Variants in GRIA1 observed in about 807,000 individuals in gnomAD.
The protein encoded by GRIA1 is glutamate receptor 1.
Under a neutral mutation model 99.2 loss-of-function variants are expected in GRIA1, and 31 were observed. That is an observed-to-expected ratio of 0.31 (90% CI 0.23 to 0.42). The LOEUF is 0.42. Ranked by LOEUF, GRIA1 falls within the 10% of genes least tolerant of loss-of-function variation. The probability of loss-of-function intolerance (pLI) is 1.00; values close to 1 mark genes in which losing one functional copy is unlikely to be tolerated. For synonymous variants in GRIA1, 438 were observed against 432.4 expected, an observed-to-expected ratio of 1.01 and a Z score of -0.16; for missense variants, 782 against 1,157.5, an observed-to-expected ratio of 0.68 and a Z score of 4.71.
intron 13 of GRIA1, among the ~76,000 whole-genome samples, chr5:153,773,118 C>A (rs925076393): frequency 6.6e-6 from 1 of 152,180 alleles, no homozygotes; most frequent in African/African-American, 2.4e-5. Context: ...GAGTCAGTGC[C>A]TATTAAGTGC....
chr5:153,791,647 T>C (rs925989885), intron 13 of GRIA1, among the ~76,000 whole-genome samples: 5 of 152,102 alleles, frequency 3.3e-5, no homozygotes, highest in Non-Finnish European at 7.4e-5. Flanking sequence ...GTAAAAATGA[T>C]AACCAAACAG....
chr5:153,520,963 T>C (rs568820359), intron 2 of GRIA1, among the ~76,000 whole-genome samples: 1 of 152,286 alleles, frequency 6.6e-6, no homozygotes, highest in African/African-American at 2.4e-5. Context: ...AATTACTAAG[T>C]TCACCCACCC....
chr5:153,781,532 G>A (rs371614661), intron 13 of GRIA1, among the ~76,000 whole-genome samples: 10 of 152,240 alleles, frequency 6.6e-5, no homozygotes, highest in African/African-American at 2.4e-4. Context: ...AATTTAGCAT[G>A]CAGGAAACCC....
At chr5:153,636,912 T>C (rs1332164269) in intron 2 of GRIA1, among the ~76,000 whole-genome samples, 2 of 152,262 alleles carry the variant, frequency 1.3e-5, no homozygotes, top group Admixed American at 6.5e-5. Context: ...GCATGGTTTA[T>C]GGCACAGGCC....
intron 2 of GRIA1, among the ~76,000 whole-genome samples, chr5:153,618,841 C>T (rs894308270): frequency 5.3e-5 from 8 of 152,090 alleles, no homozygotes; most frequent in Admixed American, 1.3e-4. Flanking sequence ...AGGAGAAGTT[C>T]TGTATATTAT....
intron 11 of GRIA1, among the ~76,000 whole-genome samples, chr5:153,715,147 A>G (rs549679488): frequency 6.6e-6 from 1 of 152,286 alleles, no homozygotes; most frequent in Admixed American, 6.5e-5. Context: ...TTCCTCTGCA[A>G]AATGGAAGTA....
intron 2 of GRIA1, among the ~76,000 whole-genome samples, chr5:153,562,466 G>A (rs751710951): frequency 2.6e-5 from 4 of 152,144 alleles, no homozygotes; most frequent in Non-Finnish European, 5.9e-5. Flanking sequence ...GACTTAACAG[G>A]TCTTGCAAGA....
intron 2 of GRIA1, among the ~76,000 whole-genome samples, chr5:153,571,867 C>T (rs1223324004): frequency 6.6e-6 from 1 of 152,144 alleles, no homozygotes; most frequent in Non-Finnish European, 1.5e-5. Flanking sequence ...TTGACCCATG[C>T]CTCAGGTCCC....
At chr5:153,523,418 G>A in intron 2 of GRIA1, among the ~76,000 whole-genome samples, 1 of 152,066 alleles carries the variant, frequency 6.6e-6, no homozygotes, top group East Asian at 1.9e-4. Flanking sequence ...ACCACAGCCT[G>A]AAATGATTTC....
chr5:153,807,688 A>C (rs1200423394), intron 15 of GRIA1, among the ~76,000 whole-genome samples: 1 of 152,190 alleles, frequency 6.6e-6, no homozygotes, highest in Non-Finnish European at 1.5e-5. Context: ...TCTAATTCAA[A>C]TTGTCATACA....
intron 5 of GRIA1, among the ~76,000 whole-genome samples, chr5:153,664,298 G>T (rs995942340): frequency 2.0e-5 from 3 of 152,166 alleles, no homozygotes; most frequent in Non-Finnish European, 4.4e-5. Context: ...TAATCCTTAT[G>T]TTGCAGCAAA....
intron 2 of GRIA1, among the ~76,000 whole-genome samples, chr5:153,559,386 G>C (rs1415515275): frequency 3.9e-5 from 6 of 152,138 alleles, no homozygotes; most frequent in East Asian, 1.9e-4. Context: ...CAGATTTCCA[G>C]TCCCTGTTTT....
Position 153,563,563 on chromosome 5 carries a change from A to G in GRIA1, c.220+69498A>G, listed in dbSNP as rs929466557. ...TGGGAAAAAAATTAAACAACATGAA[A>G]CTATAACTTCTCATTGTTCTCTGCT... On this transcript the variant is annotated intron_variant, in intron 2 of 15. Coordinates refer to ENST00000285900, the MANE Select transcript of GRIA1 (RefSeq NM_000827.4). Among the ~76,000 whole-genome samples the G allele has an allele frequency of 2.6e-5, 4 of 152,292 alleles. 1 individual carries two copies. The highest frequency in any genetic ancestry group is 3.4e-3 in the Middle Eastern group (1 of 294).
chr5:153,764,647 T>G lies in GRIA1; in HGVS notation c.2022+15T>G, dbSNP rs780599991. The G allele has an allele frequency of 6.3e-6, 10 of 1,589,964 alleles. No individual in the cohort carries two copies. Among genetic ancestry groups the G allele is most frequent in the Non-Finnish European group, 3.5e-6 (4 of 1,158,332 alleles). On this transcript the variant is annotated intron_variant, in intron 12 of 15. Coordinates refer to ENST00000285900, the MANE Select transcript of GRIA1 (RefSeq NM_000827.4). ...AGTTCTTCAGGGTAGGGACATCCTTTGTCCCAAGACACTTTCACAAAAGGG... is the reference window on the plus strand; with the variant it reads ...AGTTCTTCAGGGTAGGGACATCCTTGGTCCCAAGACACTTTCACAAAAGGG...
chr5:153,547,906 A>G (rs1759755155), intron 2 of GRIA1, among the ~76,000 whole-genome samples: 2 of 152,180 alleles, frequency 1.3e-5, no homozygotes, highest in African/African-American at 4.8e-5. Context: ...TAGAGGGGCT[A>G]TACTAGGTAT....
chr5:153,741,934 TAA>T (rs34742536), intron 11 of GRIA1, among the ~76,000 whole-genome samples: 5 of 144,944 alleles, frequency 3.4e-5, no homozygotes, highest in Middle Eastern at 3.6e-3. Flanking sequence ...AAGCTTTTTT[TAA>T]AAAAAAAAAA....
At chr5:153,806,556 G>A (rs1048537154) in intron 15 of GRIA1, among the ~76,000 whole-genome samples, 4 of 152,156 alleles carry the variant, frequency 2.6e-5, no homozygotes, top group African/African-American at 7.2e-5. Context: ...GAGCCACCAC[G>A]CCCCGCCCTT....
intron 2 of GRIA1, among the ~76,000 whole-genome samples, chr5:153,507,850 C>A (rs1224586126): frequency 6.6e-6 from 1 of 152,196 alleles, no homozygotes; most frequent in Non-Finnish European, 1.5e-5. Context: ...TTGAGACTTA[C>A]CTAAACCCTA....
chr5:153,590,112 C>T (rs1328303874), intron 2 of GRIA1, among the ~76,000 whole-genome samples: 2 of 152,132 alleles, frequency 1.3e-5, no homozygotes, highest in African/African-American at 2.4e-5. Context: ...GGATTGATCT[C>T]TGACTTCATG....
Sources: allele counts gnomAD v4.1 joint callset (sites outside exome capture counted in the v4.1 genomes callset), GRCh38; gene constraint gnomAD v4.1.1; transcripts MANE v1.5; gene names NCBI Gene and HGNC (gene_info 2026-07-23, HGNC 2026-07-21).